The following TAFA2 variants were observed in gnomAD, a reference collection of about 807,000 sequenced individuals.
The protein encoded by TAFA2 is TAFA chemokine like family member 2, also known as chemokine-like protein TAFA-2.
In TAFA2, 7 loss-of-function variants were observed where a neutral mutation model predicts 18.8. The ratio of observed to expected loss-of-function variants is 0.37; its 90% CI spans 0.21 to 0.70. The LOEUF (loss-of-function observed/expected upper bound fraction) is 0.70. Ranked by LOEUF, TAFA2 falls within the 30% of genes least tolerant of loss-of-function variation. TAFA2 has a pLI of 0.53. For missense variants in TAFA2, 122 were observed against 158.1 expected, an observed-to-expected ratio of 0.77 and a Z score of 1.23; for synonymous variants, 60 against 54.2, an observed-to-expected ratio of 1.11 and a Z score of -0.47.
At chr12:62,181,132 A>G (rs1167404532) in intron 1 of TAFA2, among the ~76,000 whole-genome samples, 1 of 151,926 alleles carries the variant, frequency 6.6e-6, no homozygotes, top group Non-Finnish European at 1.5e-5. Flanking sequence ...GTAGGTCAGA[A>G]AAACTGGTGC....
intron 1 of TAFA2, among the ~76,000 whole-genome samples, chr12:62,163,005 G>C (rs1014591100): frequency 1.3e-5 from 2 of 151,930 alleles, no homozygotes; most frequent in Admixed American, 6.6e-5. Context: ...AAGCACAAAG[G>C]AGGAAAAATA....
At chr12:61,742,178 A>T (rs1487319994) in intron 4 of TAFA2, among the ~76,000 whole-genome samples, 1 of 152,184 alleles carries the variant, frequency 6.6e-6, no homozygotes, top group Admixed American at 6.5e-5. Flanking sequence ...TACAGGCATG[A>T]GCCACTGTGC....
intron 1 of TAFA2, among the ~76,000 whole-genome samples, chr12:61,903,756 TG>T (rs1300833626): frequency 6.6e-6 from 1 of 152,226 alleles, no homozygotes; most frequent in Non-Finnish European, 1.5e-5. Context: ...ACAGTTTTTT[TG>T]TATGTCAACT....
At chr12:61,881,031 T>C (rs1354268625) in intron 1 of TAFA2, among the ~76,000 whole-genome samples, 6 of 152,112 alleles carry the variant, frequency 3.9e-5, no homozygotes, top group Non-Finnish European at 7.4e-5. Context: ...AAGAGTTTGA[T>C]AATGAAAACA....
At chr12:62,022,239 G>A (rs1260936644) in intron 1 of TAFA2, 1 of 255,634 alleles carries the variant, frequency 3.9e-6, no homozygotes, top group African/African-American at 2.2e-5. Context: ...AGCCTTACAT[G>A]TCCTGCTAAA....
intron 1 of TAFA2, among the ~76,000 whole-genome samples, chr12:61,947,454 T>G (rs1467106028): frequency 6.6e-6 from 1 of 151,748 alleles, no homozygotes; most frequent in Admixed American, 6.6e-5. Context: ...ACTTAAAGTA[T>G]AATTTAAAAA....
intron 2 of TAFA2, among the ~76,000 whole-genome samples, chr12:61,775,236 A>G (rs1312410461): frequency 2.0e-5 from 3 of 151,862 alleles, no homozygotes; most frequent in Admixed American, 1.3e-4. Flanking sequence ...CCCCTCTGTA[A>G]GACAATACGG....
At chr12:61,917,332 T>C (rs1271437255) in intron 1 of TAFA2, among the ~76,000 whole-genome samples, 7 of 152,206 alleles carry the variant, frequency 4.6e-5, no homozygotes, top group Non-Finnish European at 8.8e-5. Context: ...AATTTTTACC[T>C]GTCAGAAATT....
At chr12:61,765,981 C>A (rs1869773776) in intron 2 of TAFA2, among the ~76,000 whole-genome samples, 1 of 152,046 alleles carries the variant, frequency 6.6e-6, no homozygotes, top group Admixed American at 6.6e-5. Flanking sequence ...CTCCACCCCT[C>A]ATTTCTTTGG....
At chr12:62,217,643 C>T (rs2062741229) in intron 1 of TAFA2, among the ~76,000 whole-genome samples, 1 of 152,130 alleles carries the variant, frequency 6.6e-6, no homozygotes, top group Non-Finnish European at 1.5e-5. Flanking sequence ...CAAAGTAGGC[C>T]AACTCTGAAG....
intron 1 of TAFA2, among the ~76,000 whole-genome samples, chr12:61,981,692 A>G (rs1055637074): frequency 1.3e-5 from 2 of 152,256 alleles, no homozygotes; most frequent in Admixed American, 6.5e-5. Context: ...TATGTAGCCA[A>G]CAGACACATG....
At chr12:62,116,687 C>T (rs928865114) in intron 1 of TAFA2, among the ~76,000 whole-genome samples, 41 of 151,406 alleles carry the variant, frequency 2.7e-4, no homozygotes, top group Admixed American at 2.0e-3. Context: ...TGTGTCCCAG[C>T]AGAACCTAGA....
intron 1 of TAFA2, among the ~76,000 whole-genome samples, chr12:61,918,073 T>C (rs933039795): frequency 6.6e-6 from 1 of 152,110 alleles, no homozygotes; most frequent in Non-Finnish European, 1.5e-5. Flanking sequence ...TTACATGACA[T>C]ATTTTGATAC....
intron 1 of TAFA2, among the ~76,000 whole-genome samples, chr12:61,898,113 G>T (rs1205410403): frequency 6.6e-6 from 1 of 152,192 alleles, no homozygotes; most frequent in Non-Finnish European, 1.5e-5. Context: ...CTCACATCCA[G>T]GTCACACTGA....
At chr12:61,980,189 C>T (rs1449173043) in intron 1 of TAFA2, among the ~76,000 whole-genome samples, 1 of 152,080 alleles carries the variant, frequency 6.6e-6, no homozygotes, top group African/African-American at 2.4e-5. Flanking sequence ...ATAAACAGAA[C>T]CAACGACAAA....
At chr12:61,789,617 C>T (rs910203284) in intron 2 of TAFA2, among the ~76,000 whole-genome samples, 4 of 151,704 alleles carry the variant, frequency 2.6e-5, no homozygotes, top group East Asian at 3.9e-4. Context: ...GTGCAGCAAA[C>T]CACCATGGCA....
chr12:61,877,138 T>C (rs1040557297), intron 1 of TAFA2, among the ~76,000 whole-genome samples: 2 of 152,196 alleles, frequency 1.3e-5, no homozygotes, highest in African/African-American at 4.8e-5. Flanking sequence ...CAGCAACCAC[T>C]CTGTGCTACA....
intron 1 of TAFA2, among the ~76,000 whole-genome samples, chr12:62,050,433 G>A (rs569547997): frequency 1.2e-4 from 19 of 152,088 alleles, no homozygotes; most frequent in South Asian, 6.2e-4. Flanking sequence ...TTAGCCGGGC[G>A]TGGTGGCAGG....
At chr12:61,906,224 AC>A (rs1876344124) in intron 1 of TAFA2, among the ~76,000 whole-genome samples, 1 of 152,100 alleles carries the variant, frequency 6.6e-6, no homozygotes, top group Non-Finnish European at 1.5e-5. Context: ...CTGTGTCCCC[AC>A]CCAAATCTCA....
Sources: gnomAD v4.1 joint callset for allele counts (sites outside exome capture counted in the v4.1 genomes callset) on GRCh38, gnomAD v4.1.1 for gene constraint, MANE v1.5 for transcripts, NCBI Gene and HGNC (gene_info 2026-07-23, HGNC 2026-07-21) for gene names.